The following TNIK variants were observed in gnomAD, a reference collection of about 807,000 sequenced individuals.
TNIK encodes the protein TRAF2 and NCK interacting kinase.
A neutral mutation model predicts 191.3 loss-of-function variants in TNIK; 49 were observed. The ratio of observed to expected loss-of-function variants is 0.26; its 90% CI spans 0.20 to 0.32. The LOEUF is 0.32. Among genes scored for constraint, TNIK ranks in the 10% least tolerant of loss-of-function variants. TNIK has a pLI of 1.00. For synonymous variants in TNIK, 594 were observed against 600.9 expected (o/e 0.99, Z 0.17); for missense variants, 1,155 against 1,702.3 (o/e 0.68, Z 5.66).
chr3:171,133,137 A>G (rs1359676532), intron 15 of TNIK, among the ~76,000 whole-genome samples: 4 of 152,184 alleles, frequency 2.6e-5, no homozygotes, highest in Non-Finnish European at 4.4e-5. Flanking sequence ...TCTCATTCAT[A>G]AGGAATGCTT....
chr3:171,363,479 T>C (rs1715270495), intron 2 of TNIK, among the ~76,000 whole-genome samples: 1 of 152,204 alleles, frequency 6.6e-6, no homozygotes, highest in South Asian at 2.1e-4. Context: ...TGTGAAAGAA[T>C]GTATTCTTTA....
At chr3:171,246,172 C>T (rs1455258592) in intron 2 of TNIK, among the ~76,000 whole-genome samples, 1 of 152,006 alleles carries the variant, frequency 6.6e-6, no homozygotes, top group Non-Finnish European at 1.5e-5. Context: ...AATCCCAAAG[C>T]CATTCTCAAG....
At chr3:171,211,330 G>GT (rs1393643528) in intron 3 of TNIK, 89 bp from the exon 4 acceptor site, 4 of 1,424,356 alleles carry the variant, frequency 2.8e-6, no homozygotes, top group Admixed American at 4.7e-5. Flanking sequence ...ATTTTTTCTT[G>GT]TTTTTTCTTC....
chr3:171,157,077 C>A (rs1239528218), intron 12 of TNIK, among the ~76,000 whole-genome samples: 9 of 152,108 alleles, frequency 5.9e-5, no homozygotes, highest in Non-Finnish European at 1.2e-4. Context: ...GACATTCAGG[C>A]ATGTAAAAGT....
intron 1 of TNIK, among the ~76,000 whole-genome samples, chr3:171,454,377 A>T (rs1009369946): frequency 6.6e-6 from 1 of 152,226 alleles, no homozygotes; most frequent in African/African-American, 2.4e-5. Flanking sequence ...ATTATAAGAT[A>T]TCAAAGAGTT....
At position 171,433,492 on chromosome 3, in the gene TNIK, C is replaced by T. The variant is rs140569120; in HGVS notation, c.57+26515G>A. ...AAAAGTCATTACCTGAAACAGAGTG[C>T]TTATATTAATAAAAATCAAAATCTA... On this transcript the variant is annotated intron_variant, in intron 1 of 32. Coordinates refer to ENST00000436636, the MANE Select transcript of TNIK (RefSeq NM_015028.4). 2.4e-3 allele frequency among the ~76,000 whole-genome samples: 360 copies of T among 152,196 alleles called. 3 individuals are homozygous for T. Among genetic ancestry groups the T allele is most frequent in the African/African-American group, 8.0e-3 (332 of 41,540 alleles).
At chr3:171,267,355 T>C (rs1748524064) in intron 2 of TNIK, among the ~76,000 whole-genome samples, 1 of 152,080 alleles carries the variant, frequency 6.6e-6, no homozygotes. Flanking sequence ...TGAGAGAAAG[T>C]AAAGGGCCAG....
chr3:171,241,357 T>G (rs1310965870), intron 2 of TNIK, among the ~76,000 whole-genome samples: 3 of 152,186 alleles, frequency 2.0e-5, no homozygotes, highest in Non-Finnish European at 4.4e-5. Context: ...CTTGAAGGCA[T>G]AACAACTCTG....
At chr3:171,236,131 C>T (rs150156119) in intron 2 of TNIK, among the ~76,000 whole-genome samples, 505 of 142,190 alleles carry the variant, frequency 3.6e-3, no homozygotes, top group Non-Finnish European at 5.9e-3. Flanking sequence ...GGGACAGCGT[C>T]TTGTAAAGGG....
At chr3:171,147,069 T>C (rs1269719019) in intron 12 of TNIK, among the ~76,000 whole-genome samples, 1 of 151,866 alleles carries the variant, frequency 6.6e-6, no homozygotes, top group Admixed American at 6.6e-5. Context: ...CCATTCAGAG[T>C]GAAACGAAGC....
At chr3:171,311,261 T>C (rs1577434389) in intron 2 of TNIK, among the ~76,000 whole-genome samples, 1 of 152,066 alleles carries the variant, frequency 6.6e-6, no homozygotes, top group Non-Finnish European at 1.5e-5. Context: ...ATTATACGAA[T>C]AGTTTTGCGC....
chr3:171,079,433 G>A, intron 28 of TNIK, 85 bp downstream of exon 28: 4 of 1,486,176 alleles, frequency 2.7e-6, no homozygotes, highest in Non-Finnish European at 3.6e-6. Context: ...TCATCAATCT[G>A]ATAGAAAAAA....
chr3:171,430,317 A>G (rs556352486), intron 1 of TNIK, among the ~76,000 whole-genome samples: 3 of 152,258 alleles, frequency 2.0e-5, no homozygotes, highest in African/African-American at 7.2e-5. Context: ...TACGCTAAAC[A>G]ATGAAAATAC....
chr3:171,163,172 A>C (rs576994322), intron 10 of TNIK, among the ~76,000 whole-genome samples: 1 of 152,206 alleles, frequency 6.6e-6, no homozygotes, highest in Non-Finnish European at 1.5e-5. Flanking sequence ...ATGGAGGGAC[A>C]AAGGCTGGCA....
intron 2 of TNIK, among the ~76,000 whole-genome samples, chr3:171,240,553 T>A (rs1373931079): frequency 2.0e-5 from 3 of 149,938 alleles, no homozygotes; most frequent in South Asian, 2.1e-4. Context: ...TCTCCTACTA[T>A]TCCCCCCCAG....
intron 9 of TNIK, among the ~76,000 whole-genome samples, chr3:171,171,427 T>A (rs925617708): frequency 1.2e-4 from 18 of 152,080 alleles, no homozygotes; most frequent in African/African-American, 4.3e-4. Flanking sequence ...CCAGGCTGGT[T>A]CTCCCAGTAA....
At chr3:171,171,071 A>T (rs932366192) in intron 9 of TNIK, among the ~76,000 whole-genome samples, 1 of 152,060 alleles carries the variant, frequency 6.6e-6, no homozygotes, top group Admixed American at 6.6e-5. Context: ...AGAAATCCTC[A>T]TTTCTGTTGA....
intron 18 of TNIK, among the ~76,000 whole-genome samples, chr3:171,122,158 TTC>T (rs1727840335): frequency 6.6e-6 from 1 of 152,232 alleles, no homozygotes; most frequent in South Asian, 2.1e-4. Flanking sequence ...ATGATGGTAA[TTC>T]TCTTTTTGGT....
intron 2 of TNIK, among the ~76,000 whole-genome samples, chr3:171,341,660 G>A (rs940854605): frequency 2.6e-5 from 4 of 152,080 alleles, no homozygotes; most frequent in Non-Finnish European, 2.9e-5. Context: ...AAAAAATAAC[G>A]TGATCATTTT....
Sources: gnomAD v4.1 joint callset for allele counts (sites outside exome capture counted in the v4.1 genomes callset) on GRCh38, gnomAD v4.1.1 for gene constraint, MANE v1.5 for transcripts, NCBI Gene and HGNC (gene_info 2026-07-23, HGNC 2026-07-21) for gene names.